CDK6: variants seen among roughly 807,000 people sequenced by gnomAD.
The protein encoded by CDK6 is cyclin-dependent kinase 6.
Under a neutral mutation model 37.1 loss-of-function variants are expected in CDK6, and 6 were observed. That is an observed-to-expected ratio of 0.16 (90% CI 0.09 to 0.32). The LOEUF (loss-of-function observed/expected upper bound fraction) is 0.32. Among genes scored for constraint, CDK6 ranks in the 10% least tolerant of loss-of-function variants. The probability of loss-of-function intolerance (pLI) is 1.00; values close to 1 mark genes in which losing one functional copy is unlikely to be tolerated. For synonymous variants in CDK6, 160 were observed against 161.3 expected (o/e 0.99, Z 0.06); for missense variants, 224 against 418.9 (o/e 0.53, Z 4.06).
At chr7:92,675,936 T>A (rs1352454700) in intron 4 of CDK6, among the ~76,000 whole-genome samples, 3 of 152,228 alleles carry the variant, frequency 2.0e-5, no homozygotes, top group African/African-American at 7.2e-5. Flanking sequence ...ATTTTCTTTT[T>A]CTTAATGTTG....
intron 2 of CDK6, among the ~76,000 whole-genome samples, chr7:92,796,090 GA>G (rs756349460): frequency 0.12 from 8,443 of 69,308 alleles, 292 homozygotes; most frequent in Non-Finnish European, 0.15. Context: ...TTAACTTGGA[GA>G]AAAAAAAAAA....
At chr7:92,814,570 A>G (rs1348768105) in intron 2 of CDK6, among the ~76,000 whole-genome samples, 1 of 151,930 alleles carries the variant, frequency 6.6e-6, no homozygotes, top group Non-Finnish European at 1.5e-5. Context: ...AAAAAAAAAA[A>G]AAAAAGACAT....
chr7:92,759,134 C>T (rs780590405), intron 3 of CDK6, among the ~76,000 whole-genome samples: 6 of 152,130 alleles, frequency 3.9e-5, no homozygotes, highest in Non-Finnish European at 7.4e-5. Context: ...ATAACACACA[C>T]CCAGGCTTCT....
chr7:92,770,295 G>C (rs913922613), intron 3 of CDK6, among the ~76,000 whole-genome samples: 1 of 140,474 alleles, frequency 7.1e-6, no homozygotes. Flanking sequence ...CCAAGATGAA[G>C]TATGAATGTG....
intron 2 of CDK6, 41 bp from the exon 3 acceptor site, chr7:92,774,872 C>A (rs2115787044): frequency 6.3e-7 from 1 of 1,585,590 alleles, no homozygotes; most frequent in Non-Finnish European, 8.6e-7. Flanking sequence ...TGGCAATAAG[C>A]AAAGAAGTAA....
At chr7:92,709,588 C>T (rs1489640740) in intron 4 of CDK6, among the ~76,000 whole-genome samples, 1 of 151,998 alleles carries the variant, frequency 6.6e-6, no homozygotes, top group Non-Finnish European at 1.5e-5. Flanking sequence ...TTTATTTATG[C>T]ATCCAAATAC....
At chr7:92,625,904 T>C (rs1252460919) in intron 5 of CDK6, among the ~76,000 whole-genome samples, 5 of 152,096 alleles carry the variant, frequency 3.3e-5, no homozygotes, top group Non-Finnish European at 5.9e-5. Context: ...TTGTAACCTG[T>C]ATTTGACCTG....
At chr7:92,686,401 T>C (rs1228658163) in intron 4 of CDK6, among the ~76,000 whole-genome samples, 1 of 152,174 alleles carries the variant, frequency 6.6e-6, no homozygotes, top group East Asian at 1.9e-4. Flanking sequence ...TTACTTCACT[T>C]AGAATAATCG....
chr7:92,723,199 C>A (rs1798408753), intron 4 of CDK6, among the ~76,000 whole-genome samples: 1 of 151,996 alleles, frequency 6.6e-6, no homozygotes, highest in Non-Finnish European at 1.5e-5. Flanking sequence ...AACAAAAAAA[C>A]CCAAAATATT....
Position 92,615,264 on chromosome 7 carries a change from G to T in CDK6, c.857C>A (p.Ala286Asp), listed in dbSNP as rs2116477538. The change falls in exon 8 of 8, where the codon GCC (alanine) becomes GAC (aspartate). Residue 286 changes from alanine to aspartate, a missense_variant. Ala to Asp is a moderately radical substitution (Grantham distance 126, BLOSUM62 -2). Around this residue, in one of 5 missense-constraint regions of CDK6, gnomAD observed 90 missense variants for 136.2 expected, o/e 0.66. Coordinates refer to ENST00000424848, the MANE Select transcript of CDK6 (RefSeq NM_001145306.2). The part of the protein sequence containing the change: ...LLLKCLTFNP[A>D]KRISAYSALS... ...GGCACTGTAGGCAGATATTCTTTTG[G>T]CTGGGTTAAATGTCAAACACTTCTG... The T allele has an allele frequency of 6.2e-7, 1 of 1,613,830 alleles. No homozygotes were observed. The highest frequency in any genetic ancestry group is 1.1e-5 in the South Asian group (1 of 91,056).
At chr7:92,824,415 G>T (rs1241412584) in intron 2 of CDK6, among the ~76,000 whole-genome samples, 1 of 152,054 alleles carries the variant, frequency 6.6e-6, no homozygotes, top group Admixed American at 6.6e-5. Flanking sequence ...GGGTTAATTT[G>T]AATAGTCAAA....
intron 2 of CDK6, among the ~76,000 whole-genome samples, chr7:92,827,113 C>G (rs78851993): frequency 0.024 from 3,669 of 152,224 alleles, 137 homozygotes; most frequent in South Asian, 0.18. Flanking sequence ...CAGAATAAAA[C>G]TGTTCACTAA....
intron 3 of CDK6, among the ~76,000 whole-genome samples, chr7:92,741,581 T>C (rs1465948655): frequency 6.6e-6 from 1 of 152,122 alleles, no homozygotes; most frequent in Admixed American, 6.6e-5. Context: ...GGATTATGGG[T>C]GATTTTTACT....
chr7:92,627,409 T>C (rs1023268704), intron 5 of CDK6, among the ~76,000 whole-genome samples: 5 of 152,014 alleles, frequency 3.3e-5, no homozygotes, highest in African/African-American at 4.8e-5. Context: ...TGGGAGGTAA[T>C]TATGTCATAA....
At chr7:92,643,947 T>A (rs751997529) in intron 5 of CDK6, among the ~76,000 whole-genome samples, 7 of 152,160 alleles carry the variant, frequency 4.6e-5, no homozygotes, top group Non-Finnish European at 1.0e-4. Flanking sequence ...TCATATCAGC[T>A]TTAGGAAAGA....
intron 4 of CDK6, among the ~76,000 whole-genome samples, chr7:92,719,545 GAGAATA>G (rs1249315021): frequency 6.6e-6 from 1 of 152,136 alleles, no homozygotes. Context: ...CTTGGAGAAA[GAGAATA>G]TAATTCACTT....
intron 3 of CDK6, among the ~76,000 whole-genome samples, chr7:92,745,195 T>G (rs1247150372): frequency 2.6e-5 from 4 of 152,236 alleles, no homozygotes; most frequent in Non-Finnish European, 5.9e-5. Flanking sequence ...TCTTGCAGAC[T>G]TCTTCACATT....
chr7:92,780,031 T>C (rs889476010), intron 2 of CDK6, among the ~76,000 whole-genome samples: 1 of 152,326 alleles, frequency 6.6e-6, no homozygotes, highest in East Asian at 1.9e-4. Flanking sequence ...CAGGCTGGAG[T>C]GCAGTGGTGC....
At chr7:92,666,049 G>T (rs1202003095) in intron 5 of CDK6, among the ~76,000 whole-genome samples, 1 of 152,314 alleles carries the variant, frequency 6.6e-6, no homozygotes, top group East Asian at 1.9e-4. Context: ...CATGACAAAT[G>T]GTAACTCCCT....
Sources: allele counts gnomAD v4.1 joint callset (sites outside exome capture counted in the v4.1 genomes callset), GRCh38; gene constraint gnomAD v4.1.1; regional missense constraint gnomAD v4.1.1; transcripts MANE v1.5; gene names NCBI Gene and HGNC (gene_info 2026-07-23, HGNC 2026-07-21).